Variants in FBN2 observed in about 807,000 individuals in gnomAD.
FBN2 encodes the protein fibrillin-2.
Under a neutral mutation model 355.6 loss-of-function variants are expected in FBN2, and 105 were observed. The observed-to-expected ratio is 0.30, with a 90% CI of 0.25 to 0.35. The LOEUF (loss-of-function observed/expected upper bound fraction) is 0.35. Ranked by LOEUF, FBN2 falls within the 10% of genes least tolerant of loss-of-function variation. The pLI is 1.00. For missense variants in FBN2, 3,280 were observed against 3,758.7 expected (o/e 0.87, Z 3.33); for synonymous variants, 1,350 against 1,301.2 (o/e 1.04, Z -0.81).
chr5:128,328,123 T>C (rs973354721), intron 34 of FBN2: 1 of 167,064 alleles, frequency 6.0e-6, no homozygotes, highest in Admixed American at 5.7e-5. Flanking sequence ...AAATCCAAAT[T>C]CTTTTTCTTG....
At chr5:128,455,453 C>A (rs1754354887) in intron 6 of FBN2, among the ~76,000 whole-genome samples, 1 of 152,058 alleles carries the variant, frequency 6.6e-6, no homozygotes, top group Non-Finnish European at 1.5e-5. Flanking sequence ...GGAGGGCACA[C>A]CTTTCTGACA....
chr5:128,299,092 G>A (rs562859177), intron 48 of FBN2, among the ~76,000 whole-genome samples: 17 of 152,058 alleles, frequency 1.1e-4, no homozygotes, highest in Admixed American at 2.0e-4. Context: ...GTACTGGGCC[G>A]TGTGAGGTGT....
chr5:128,266,991 C>A (rs1165183577), intron 62 of FBN2, among the ~76,000 whole-genome samples: 1 of 150,732 alleles, frequency 6.6e-6, no homozygotes, highest in African/African-American at 2.4e-5. Flanking sequence ...CCCCAACAGG[C>A]CCCAGCATGT....
Position 128,516,865 on chromosome 5 carries a change from T to C in FBN2, c.628+2408A>G, listed in dbSNP as rs185620067. Among the ~76,000 whole-genome samples, 721 of 152,298 alleles carry C rather than the reference T, an allele frequency of 4.7e-3. 4 individuals carry two copies. The highest frequency in any genetic ancestry group is 6.8e-3 in the Non-Finnish European group (461 of 68,004). On this transcript the variant is annotated intron_variant, in intron 5 of 64. Coordinates refer to ENST00000262464, the MANE Select transcript of FBN2 (RefSeq NM_001999.4). ...TCATTTTTAGTAGAATGGGTTATTA[T>C]ACATGTATAAATTCAATTTAAAACA...
At position 128,369,295 on chromosome 5, in the gene FBN2, T is replaced by C; in HGVS notation, c.2135A>G (p.Lys712Arg). Residue 712 changes from lysine to arginine, a missense_variant, in exon 16 of 65, where the codon AAA (lysine) becomes AGA (arginine). Physicochemically the swap from Lys to Arg is conservative, Grantham distance 26 (BLOSUM62 2). Transcript: ENST00000262464. ...MRSTCYGGIKKGVCVRPFPGA... is the reference protein window; with the variant it reads ...MRSTCYGGIKRGVCVRPFPGA... ...GGGGAAAGGACGCACACACACTCCT[T>C]TCTTGATTCCTCCATAGCAGGTACT... 1 of 1,614,112 alleles carries C rather than the reference T, an allele frequency of 6.2e-7. No individual in the cohort carries two copies. Among genetic ancestry groups the C allele is most frequent in the East Asian group, 2.2e-5 (1 of 44,858 alleles).
intron 12 of FBN2, among the ~76,000 whole-genome samples, chr5:128,378,350 G>T (rs1457482356): frequency 6.6e-6 from 1 of 152,180 alleles, no homozygotes; most frequent in Non-Finnish European, 1.5e-5. Flanking sequence ...AGATGAATCA[G>T]CAATGAGGTA....
At chr5:128,370,395 G>A (rs1025974303) in intron 15 of FBN2, among the ~76,000 whole-genome samples, 1 of 152,014 alleles carries the variant, frequency 6.6e-6, no homozygotes, top group Non-Finnish European at 1.5e-5. Context: ...AATTTCTTAT[G>A]ACCTGGGGGC....
At chr5:128,530,935 G>A (rs537169787) in intron 2 of FBN2, among the ~76,000 whole-genome samples, 1 of 152,056 alleles carries the variant, frequency 6.6e-6, no homozygotes, top group South Asian at 2.1e-4. Flanking sequence ...ATCCTTTAAG[G>A]AATCTCCACA....
intron 5 of FBN2, among the ~76,000 whole-genome samples, chr5:128,504,847 G>A (rs945741035): frequency 3.3e-5 from 5 of 152,136 alleles, no homozygotes; most frequent in Non-Finnish European, 7.4e-5. Flanking sequence ...GATTTGGGAG[G>A]AGCCCGGGGC....
intron 7 of FBN2, among the ~76,000 whole-genome samples, chr5:128,439,910 T>C (rs1174260813): frequency 6.6e-6 from 1 of 152,202 alleles, no homozygotes; most frequent in Non-Finnish European, 1.5e-5. Flanking sequence ...ATTTGTATCT[T>C]TGATTCATTT....
chr5:128,468,108 T>C (rs1310709613), intron 5 of FBN2, among the ~76,000 whole-genome samples: 1 of 152,190 alleles, frequency 6.6e-6, no homozygotes, highest in East Asian at 1.9e-4. Flanking sequence ...CCATTCCCTG[T>C]CCCAGCCTCA....
chr5:128,267,141 C>A (rs575541664), intron 62 of FBN2, among the ~76,000 whole-genome samples: 153 of 152,292 alleles, frequency 1.0e-3, no homozygotes, highest in Non-Finnish European at 1.7e-3. Flanking sequence ...CATGTCCCTG[C>A]AAAGGACATG....
At chr5:128,486,540 T>A (rs976186564) in intron 5 of FBN2, among the ~76,000 whole-genome samples, 1 of 152,178 alleles carries the variant, frequency 6.6e-6, no homozygotes, top group African/African-American at 2.4e-5. Flanking sequence ...CAAAACACAC[T>A]CACTTCTTTC....
intron 6 of FBN2, 90 bp from the exon 7 acceptor site, chr5:128,446,696 C>T: frequency 7.1e-7 from 1 of 1,402,550 alleles, no homozygotes; most frequent in Non-Finnish European, 9.9e-7. Context: ...TATAAACATT[C>T]TTCTAAGAAA....
chr5:128,258,524 T>C lies in FBN2; in HGVS notation c.*931A>G, dbSNP rs1764875690. The C allele has an allele frequency of 6.6e-6, 1 of 152,588 alleles. No homozygotes were observed. The highest frequency in any genetic ancestry group is 1.5e-5 in the Non-Finnish European group (1 of 68,036). The allele number at this position is 152,588 out of a possible 1,614,324, so 9.5% of individuals were successfully genotyped here. On this transcript the variant is annotated 3_prime_UTR_variant, in exon 65 of 65. Coordinates refer to ENST00000262464, the MANE Select transcript of FBN2 (RefSeq NM_001999.4). ...ACGAAACACCACAGAATGCCAGGTG[T>C]TCCCTTTCAAGGGAACGGCGGTTCT...
At chr5:128,453,338 C>G (rs1754304574) in intron 6 of FBN2, among the ~76,000 whole-genome samples, 3 of 152,162 alleles carry the variant, frequency 2.0e-5, no homozygotes, top group Non-Finnish European at 4.4e-5. Context: ...ATCACTTCAT[C>G]AGCAACAACT....
intron 57 of FBN2, 28 bp from the exon 58 acceptor site, chr5:128,278,033 A>C (rs1561743999): frequency 6.2e-7 from 1 of 1,613,026 alleles, no homozygotes; most frequent in Non-Finnish European, 8.5e-7. Flanking sequence ...AAAAACAATC[A>C]GGAGTTAACA....
In FBN2 at chr5:128,297,548, C is replaced by G. The variant is rs567968973; in HGVS notation, c.6166+3269G>C. On this transcript the variant is annotated intron_variant, in intron 48 of 64. Coordinates refer to ENST00000262464, the MANE Select transcript of FBN2 (RefSeq NM_001999.4). Reference sequence around the variant, plus strand: ...GTATTGGGTGCATATATATTTAGGACAGTTCACTCTTCTTGTTGAATTGAT... The same window carrying G: ...GTATTGGGTGCATATATATTTAGGAGAGTTCACTCTTCTTGTTGAATTGAT... Among the ~76,000 whole-genome samples the G allele has an allele frequency of 2.6e-5, 4 of 152,270 alleles. No homozygotes were observed. In the South Asian group the frequency reaches 6.2e-4, roughly 24 times the overall value.
intron 42 of FBN2, 31 bp from the exon 43 acceptor site, chr5:128,305,979 G>T: frequency 6.2e-7 from 1 of 1,600,882 alleles, no homozygotes; most frequent in Non-Finnish European, 8.6e-7. Flanking sequence ...TCAAATATAT[G>T]TTGTTCTGTT....
Sources: allele counts gnomAD v4.1 joint callset (sites outside exome capture counted in the v4.1 genomes callset), GRCh38; gene constraint gnomAD v4.1.1; transcripts MANE v1.5; gene names NCBI Gene and HGNC (gene_info 2026-07-23, HGNC 2026-07-21).